Variants in AP2A1 observed in about 807,000 individuals in gnomAD.
AP2A1 encodes the protein adaptor related protein complex 2 subunit alpha 1.
A neutral mutation model predicts 107.3 loss-of-function variants in AP2A1; 21 were observed. That is an observed-to-expected ratio of 0.20 (90% CI 0.14 to 0.28). The LOEUF is 0.28. Ranked by LOEUF, AP2A1 falls within the 10% of genes least tolerant of loss-of-function variation. The pLI, the probability that AP2A1 is intolerant of heterozygous loss-of-function variation, is 1.00. For missense variants in AP2A1, 873 were observed against 1,307.7 expected, an observed-to-expected ratio of 0.67 and a Z score of 5.13; for synonymous variants, 602 against 564.8, an observed-to-expected ratio of 1.07 and a Z score of -0.93.
chr19:49,806,205 C>T lies in AP2A1; in HGVS notation c.2742C>T (p.Ala914=), dbSNP rs2073378608. ...GGGCGGGGATCATCCAGACTAAAGC[C>T]CTGCAGGTGGGCTGTCTGCTTCGGC... is the stretch of plus-strand genomic sequence containing the variant. ...FVGAGIIQTK[A]LQVGCLLRLE... is the part of the protein sequence containing the mutation. The change falls in exon 22 of 23, where the codon GCC becomes GCT. Residue 914 remains alanine (A), a synonymous_variant. Coordinates refer to ENST00000354293, the MANE Select transcript of AP2A1 (RefSeq NM_130787.3). 2 of 1,604,208 alleles carry T rather than the reference C, an allele frequency of 1.2e-6. No individual in the cohort carries two copies. The highest frequency in any genetic ancestry group is 1.7e-6 in the Non-Finnish European group (2 of 1,175,834).
At chr19:49,780,871 G>A (rs372389755) in intron 1 of AP2A1, among the ~76,000 whole-genome samples, 134 of 152,220 alleles carry the variant, frequency 8.8e-4, no homozygotes, top group South Asian at 4.1e-3. Context: ...CTAAGACCCT[G>A]TCTCAAAAAT....
Position 49,799,650 on chromosome 19 carries a change from C to A in AP2A1, c.1156C>A (p.Arg386=). ...ALKTERDVSV[R]QRAADLLYAM... is the part of the protein sequence containing the mutation. ...TCAGACGGAGCGGGACGTCAGCGTG[C>A]GGCAGCGGGCGGCTGACCTCCTCTA... The change falls in exon 10 of 23, where the codon CGG becomes AGG. Residue 386 remains arginine (R), a synonymous_variant. Transcript: ENST00000354293. The A allele has an allele frequency of 1.9e-6, 3 of 1,611,064 alleles. No homozygotes were observed. Among genetic ancestry groups the A allele is most frequent in the Non-Finnish European group, 2.5e-6 (3 of 1,179,810 alleles).
chr19:49,803,620 T>C (rs2073321364), intron 18 of AP2A1: 1 of 541,024 alleles, frequency 1.8e-6, no homozygotes. Context: ...CCAGGCCTCA[T>C]TTTGTCCCTG....
chr19:49,787,432 C>T (rs906772887), intron 4 of AP2A1, among the ~76,000 whole-genome samples: 1 of 148,548 alleles, frequency 6.7e-6, no homozygotes, highest in African/African-American at 2.5e-5. Flanking sequence ...ACTGCAACCT[C>T]TGCCTCCCAA....
At position 49,785,502 on chromosome 19, in the gene AP2A1, C is replaced by T. The variant is rs1227611239; in HGVS notation, c.473+2778C>T. 6.6e-6 allele frequency among the ~76,000 whole-genome samples: 1 copy of T among 151,992 alleles called. No homozygotes were observed. The highest frequency in any genetic ancestry group is 1.9e-4 in the East Asian group (1 of 5,194). The stretch of plus-strand genomic sequence containing the variant: ...AGAACCTGAGTGTGGTTTGGTCATG[C>T]TGAATTTGAGATGTGTATTAGACAT... On this transcript the variant is annotated intron_variant, in intron 4 of 22. Coordinates refer to ENST00000354293, the MANE Select transcript of AP2A1 (RefSeq NM_130787.3). The surrounding 1 kb of genome is among the most constrained non-coding windows in gnomAD (Gnocchi z 4.1).
intron 17 of AP2A1, 33 bp from the exon 18 acceptor site, chr19:49,803,254 C>A (rs1254536230): frequency 6.2e-7 from 1 of 1,612,418 alleles, no homozygotes; most frequent in Non-Finnish European, 8.5e-7. Context: ...CAGAGGGACT[C>A]AGATGGAGCT....
intron 3 of AP2A1, 60 bp downstream of exon 3, chr19:49,782,149 G>A (rs1282764321): frequency 1.6e-5 from 22 of 1,367,142 alleles, no homozygotes; most frequent in Non-Finnish European, 1.8e-5. Context: ...GGAGGGGGCT[G>A]GAGGTCTGGA....
chr19:49,804,727 G>A (rs931283689), intron 18 of AP2A1: 8 of 152,186 alleles, frequency 5.3e-5, no homozygotes, highest in African/African-American at 1.9e-4. Flanking sequence ...ACACAGACAA[G>A]TACTTGTGAT....
At chr19:49,778,351 G>A (rs1298614081) in intron 1 of AP2A1, among the ~76,000 whole-genome samples, 5 of 152,200 alleles carry the variant, frequency 3.3e-5, no homozygotes, top group Non-Finnish European at 5.9e-5. Flanking sequence ...GGGAGGCTGA[G>A]GCAGGCAGAT....
At chr19:49,794,111 A>G (rs2073181488) in intron 6 of AP2A1, among the ~76,000 whole-genome samples, 1 of 151,152 alleles carries the variant, frequency 6.6e-6, no homozygotes, top group Non-Finnish European at 1.5e-5. Context: ...CGTGTTAGCC[A>G]GGATGATCTC....
Position 49,805,955 on chromosome 19 carries a change from G to A in AP2A1, c.2655+14G>A. On this transcript the variant is annotated intron_variant, in intron 21 of 22. Coordinates refer to ENST00000354293, the MANE Select transcript of AP2A1 (RefSeq NM_130787.3). ...ACTAAGGCCAAGGTGAGAGACCGCG[G>A]GCGTGTTTGCCGGCCTATGGCTGCT... 1 of 1,613,766 alleles carries A rather than the reference G, an allele frequency of 6.2e-7. No individual in the cohort carries two copies. The highest frequency in any genetic ancestry group is 8.5e-7 in the Non-Finnish European group (1 of 1,179,890).
intron 1 of AP2A1, among the ~76,000 whole-genome samples, chr19:49,769,076 TC>T (rs958625233): frequency 2.6e-5 from 4 of 151,822 alleles, no homozygotes; most frequent in Non-Finnish European, 5.9e-5. Context: ...ATGGTGAAAC[TC>T]CATCTCTACT....
intron 6 of AP2A1, among the ~76,000 whole-genome samples, chr19:49,795,039 G>A: frequency 6.6e-6 from 1 of 152,056 alleles, no homozygotes; most frequent in East Asian, 1.9e-4. Flanking sequence ...TAGGCCTAGG[G>A]ACCCAAAAAA....
At chr19:49,767,963 C>T (rs1170152134) in intron 1 of AP2A1, among the ~76,000 whole-genome samples, 2 of 151,684 alleles carry the variant, frequency 1.3e-5, no homozygotes, top group African/African-American at 2.4e-5. Flanking sequence ...CTTGGGAGAA[C>T]CTGTGACAGG....
In AP2A1 at chr19:49,787,338, G is replaced by GTTTTTTTTTTTT. The variant is rs1418425703; in HGVS notation, c.474-4589_474-4588insTTTTTTTTTTTT. Among the ~76,000 whole-genome samples the GTTTTTTTTTTTT allele has an allele frequency of 3.3e-4, 30 of 89,758 alleles. 5 individuals carry two copies. Among genetic ancestry groups the GTTTTTTTTTTTT allele is most frequent in the African/African-American group, 1.2e-3 (25 of 20,330 alleles). The allele number at this position is 89,758 out of a possible 152,430, so 58.9% of individuals were successfully genotyped here. A position where few individuals can be genotyped will look rare whatever the true frequency, so the allele number is the denominator to read the frequency against. On this transcript the variant is annotated intron_variant, in intron 4 of 22. Transcript: ENST00000354293. Reference sequence around the variant, plus strand: ...ACTCCCATCTAGGCTTTTTTTGTTTGTTTTTTTTGTTTTTTGTTTTTTTTT... The same window carrying GTTTTTTTTTTTT: ...ACTCCCATCTAGGCTTTTTTTGTTTGTTTTTTTTTTTTTTTTTTTTGTTTTTTGTTTTTTTTT...
intron 11 of AP2A1, 102 bp from the exon 12 acceptor site, chr19:49,800,859 C>T (rs934356709): frequency 8.4e-6 from 8 of 948,660 alleles, no homozygotes; most frequent in African/African-American, 5.0e-5. Flanking sequence ...CCACCTGCAG[C>T]AGAGCTTTCA....
chr19:49,803,502 G>A (rs1450930912), intron 18 of AP2A1, 126 bp downstream of exon 18: 2 of 750,884 alleles, frequency 2.7e-6, no homozygotes, highest in Non-Finnish European at 4.6e-6. Flanking sequence ...AGTTCTCTGA[G>A]ATTGAGTGTC....
intron 5 of AP2A1, 38 bp from the exon 6 acceptor site, chr19:49,792,953 C>A (rs745413853): frequency 1.4e-4 from 220 of 1,539,068 alleles, no homozygotes; most frequent in Non-Finnish European, 1.8e-4. Context: ...GTACCACCTC[C>A]CCCAGGGGCC....
chr19:49,767,036 T>A lies in AP2A1; in HGVS notation c.-98T>A. ...CCTCCCCGCGGCCGGCTCGGCTCCTTGGCGCTGCCTGGGGTCCTTTCCGCC... is the reference window on the plus strand; with the variant it reads ...CCTCCCCGCGGCCGGCTCGGCTCCTAGGCGCTGCCTGGGGTCCTTTCCGCC... On this transcript the variant is annotated 5_prime_UTR_variant, in exon 1 of 23. Coordinates refer to ENST00000354293, the MANE Select transcript of AP2A1 (RefSeq NM_130787.3). 7.5e-7 allele frequency: 1 copy of A among 1,339,878 alleles called. No individual in the cohort carries two copies. The highest frequency in any genetic ancestry group is 9.8e-7 in the Non-Finnish European group (1 of 1,015,642). The allele number at this position is 1,339,878 out of a possible 1,614,324, so 83.0% of individuals were successfully genotyped here. A position where few individuals can be genotyped will look rare whatever the true frequency, so the allele number is the denominator to read the frequency against.
Sources: gnomAD v4.1 joint callset for allele counts (sites outside exome capture counted in the v4.1 genomes callset) on GRCh38, gnomAD v4.1.1 for gene constraint, Gnocchi (gnomAD v3.1) non-coding constraint, MANE v1.5 for transcripts, NCBI Gene and HGNC (gene_info 2026-07-23, HGNC 2026-07-21) for gene names.